ATPAF2: variants seen among roughly 807,000 people sequenced by gnomAD.
ATPAF2 encodes the protein ATP synthase mitochondrial F1 complex assembly factor 2, also known as ATP12 homolog.
Under a neutral mutation model 36.6 loss-of-function variants are expected in ATPAF2, and 30 were observed. The observed-to-expected ratio is 0.82, with a 90% CI of 0.61 to 1.11. The LOEUF (loss-of-function observed/expected upper bound fraction) is 1.11. ATPAF2 is among the 50% of genes most tolerant of loss of function. The pLI is 0.00. For synonymous variants in ATPAF2, 140 were observed against 152.6 expected (o/e 0.92, Z 0.61); for missense variants, 321 against 372.3 (o/e 0.86, Z 1.13).
intron 1 of ATPAF2, among the ~76,000 whole-genome samples, chr17:18,031,204 T>C (rs987458645): frequency 6.6e-6 from 1 of 151,026 alleles, no homozygotes; most frequent in African/African-American, 2.4e-5. Flanking sequence ...CTCGATCTCC[T>C]GACCTCGTGA....
downstream of ATPAF2, chr17:18,015,749 A>T (rs921304240): frequency 2.5e-5 from 7 of 281,196 alleles, no homozygotes; most frequent in East Asian, 4.2e-4. Context: ...TTGTGAGAAC[A>T]GATGTCCTGG....
At chr17:18,022,088 T>C (rs569182314) in intron 5 of ATPAF2, among the ~76,000 whole-genome samples, 19 of 152,296 alleles carry the variant, frequency 1.2e-4, no homozygotes, top group African/African-American at 4.6e-4. Context: ...GAAGGGATGG[T>C]TCCTGAGTCA....
chr17:18,038,112 T>C (rs1567580955), intron 1 of ATPAF2, among the ~76,000 whole-genome samples: 2 of 152,258 alleles, frequency 1.3e-5, no homozygotes, highest in African/African-American at 4.8e-5. Context: ...TCTTCTTTAA[T>C]TGAGCTTCTC....
chr17:18,016,703 C>A, downstream of ATPAF2: 1 of 1,425,834 alleles, frequency 7.0e-7, no homozygotes, highest in Non-Finnish European at 9.9e-7. Flanking sequence ...TTCTTCAAAA[C>A]ATAGCACCAG....
At chr17:18,035,135 A>G (rs1311404002) in intron 1 of ATPAF2, among the ~76,000 whole-genome samples, 1 of 152,212 alleles carries the variant, frequency 6.6e-6, no homozygotes, top group Admixed American at 6.5e-5. Flanking sequence ...AGGCTGAGGC[A>G]GGAGGATCAC....
chr17:18,025,740 AC>A (rs2044535043), intron 4 of ATPAF2: 1 of 172,898 alleles, frequency 5.8e-6, no homozygotes, highest in Non-Finnish European at 1.3e-5. Flanking sequence ...GCTATGGGTC[AC>A]CCCCTTCGAA....
At chr17:18,022,894 G>C (rs1411811283) in intron 5 of ATPAF2, among the ~76,000 whole-genome samples, 1 of 152,052 alleles carries the variant, frequency 6.6e-6, no homozygotes, top group Non-Finnish European at 1.5e-5. Flanking sequence ...GGGAGGCCGA[G>C]GCGGGCGGAT....
chr17:18,028,195 G>A, intron 3 of ATPAF2, 37 bp downstream of exon 3: 6 of 1,613,588 alleles, frequency 3.7e-6, no homozygotes, highest in Non-Finnish European at 5.1e-6. Context: ...GCCCTGGGTG[G>A]GTCTCAGGGT....
chr17:18,026,784 C>T, intron 3 of ATPAF2: 1 of 349,232 alleles, frequency 2.9e-6, no homozygotes, highest in East Asian at 6.6e-5. Context: ...AAAACTGAGG[C>T]CCAGACAGGT....
intron 5 of ATPAF2, among the ~76,000 whole-genome samples, chr17:18,023,119 A>G (rs1597667937): frequency 8.8e-6 from 1 of 113,978 alleles, no homozygotes; most frequent in Non-Finnish European, 1.7e-5. Context: ...ACAGAGCGAG[A>G]CTCCTTTCAA....
intron 3 of ATPAF2, chr17:18,026,805 G>A (rs1395634956): frequency 3.4e-6 from 1 of 292,292 alleles, no homozygotes; most frequent in Admixed American, 4.7e-5. Flanking sequence ...TAAGTACATT[G>A]TCAAATACAG....
In ATPAF2 at chr17:18,018,464, C is replaced by A. The variant is rs1597663522; in HGVS notation, c.*85G>T. On this transcript the variant is annotated 3_prime_UTR_variant, in exon 8 of 8. Coordinates refer to ENST00000474627, the MANE Select transcript of ATPAF2 (RefSeq NM_145691.4). ...CCGAGTCCCCAAAAGCCAAGGAAGC[C>A]AGCCCCACAGGCTGGGGAGCCCTGA... The A allele has an allele frequency of 1.3e-6, 2 of 1,591,514 alleles. No individual in the cohort carries two copies. Among genetic ancestry groups the A allele is most frequent in the East Asian group, 4.5e-5 (2 of 44,826 alleles).
downstream of ATPAF2, chr17:18,015,902 T>A: frequency 1.4e-6 from 1 of 718,036 alleles, no homozygotes; most frequent in Non-Finnish European, 2.3e-6. Context: ...ACAGATGAAT[T>A]CACAGATGAA....
In ATPAF2 at chr17:18,028,146, G is replaced by C. The variant is rs1010352322; in HGVS notation, c.324+86C>G. ...CAGACAGGCAAAGGACCAGCCCCCAGGGCCTTGTCGGAATTTGGTAAAGGG... is the reference window on the plus strand; with the variant it reads ...CAGACAGGCAAAGGACCAGCCCCCACGGCCTTGTCGGAATTTGGTAAAGGG... On this transcript the variant is annotated intron_variant, in intron 3 of 7. Coordinates refer to ENST00000474627, the MANE Select transcript of ATPAF2 (RefSeq NM_145691.4). 4 of 1,553,078 alleles carry C rather than the reference G, an allele frequency of 2.6e-6. No individual in the cohort carries two copies. The African/African-American group carries it at 5.4e-5, about 21-fold the overall frequency.
intron 1 of ATPAF2, 98 bp from the exon 2 acceptor site, chr17:18,028,757 G>T: frequency 1.8e-6 from 2 of 1,123,772 alleles, no homozygotes; most frequent in Non-Finnish European, 2.7e-6. Flanking sequence ...AATGTTGATT[G>T]ATTGGCTTGA....
At chr17:18,038,420 G>C (rs1330420614) in intron 1 of ATPAF2, among the ~76,000 whole-genome samples, 2 of 152,200 alleles carry the variant, frequency 1.3e-5, no homozygotes, top group African/African-American at 4.8e-5. Flanking sequence ...ACCTGCAGCA[G>C]AAGTGCCCGG....
chr17:18,019,657 T>G (rs770350913), intron 7 of ATPAF2, among the ~76,000 whole-genome samples: 6 of 152,212 alleles, frequency 3.9e-5, no homozygotes, highest in Non-Finnish European at 5.9e-5. Flanking sequence ...CAACCAAACC[T>G]TGCTGGCTCC....
chr17:18,020,234 C>T (rs574847353), intron 7 of ATPAF2, among the ~76,000 whole-genome samples: 1 of 152,258 alleles, frequency 6.6e-6, no homozygotes, highest in African/African-American at 2.4e-5. Flanking sequence ...AAAATGCAAA[C>T]CATACTGTGG....
intron 5 of ATPAF2, among the ~76,000 whole-genome samples, chr17:18,023,406 C>T (rs1047366567): frequency 2.2e-4 from 33 of 150,208 alleles, no homozygotes; most frequent in African/African-American, 6.4e-4. Context: ...CCAGCCTGGG[C>T]GACAGAGCGA....
Sources: allele counts gnomAD v4.1 joint callset (sites outside exome capture counted in the v4.1 genomes callset), GRCh38; gene constraint gnomAD v4.1.1; transcripts MANE v1.5; gene names NCBI Gene and HGNC (gene_info 2026-07-23, HGNC 2026-07-21).